PDS5A: variants seen among roughly 807,000 people sequenced by gnomAD.
The protein encoded by PDS5A is sister chromatid cohesion protein PDS5 homolog A.
In PDS5A, 42 loss-of-function variants were observed where a neutral mutation model predicts 167.1. The observed-to-expected ratio is 0.25, with a 90% CI of 0.20 to 0.33. The LOEUF (loss-of-function observed/expected upper bound fraction) is 0.33. Among genes scored for constraint, PDS5A ranks in the 10% least tolerant of loss-of-function variants. PDS5A has a pLI of 1.00. For missense variants in PDS5A, 1,033 were observed against 1,605.9 expected, an observed-to-expected ratio of 0.64 and a Z score of 6.10; for synonymous variants, 553 against 554.6, an observed-to-expected ratio of 1.00 and a Z score of 0.04.
intron 2 of PDS5A, chr4:39,973,559 T>G: frequency 8.1e-7 from 1 of 1,234,606 alleles, no homozygotes; most frequent in Non-Finnish European, 1.2e-6. Context: ...AAGGCTATGA[T>G]GGAGGGTGGT....
intron 29 of PDS5A, among the ~76,000 whole-genome samples, chr4:39,845,525 T>C (rs1007761096): frequency 9.9e-5 from 15 of 152,212 alleles, no homozygotes; most frequent in African/African-American, 3.6e-4. Flanking sequence ...AAATTATTTC[T>C]TTTATCTTAT....
intron 2 of PDS5A, among the ~76,000 whole-genome samples, chr4:39,937,620 T>C (rs2109759256): frequency 6.6e-6 from 1 of 152,316 alleles, no homozygotes; most frequent in East Asian, 1.9e-4. Flanking sequence ...GGTCTTGTTA[T>C]GTTGCCTAGG....
chr4:39,882,026 A>C (rs1194861652), intron 17 of PDS5A, among the ~76,000 whole-genome samples: 1 of 152,176 alleles, frequency 6.6e-6, no homozygotes, highest in East Asian at 1.9e-4. Context: ...TTCATCTTCC[A>C]CTGTGATTGT....
In PDS5A at chr4:39,910,403, A is replaced by C. The variant is rs147789711; in HGVS notation, c.993-65T>G. 1,774 of 800,598 alleles carry C rather than the reference A, an allele frequency of 2.2e-3. 39 individuals carry two copies. The East Asian group carries it at 0.033, about 15-fold the overall frequency. 49.6% of individuals were successfully genotyped at this position (800,598 alleles called of 1,614,324 possible). On this transcript the variant is annotated intron_variant, in intron 9 of 32. Coordinates refer to ENST00000303538, the MANE Select transcript of PDS5A (RefSeq NM_001100399.2). ...AAATAATCACTCTCAAATCAGGTAT[A>C]TCTAACATGAAAATACTTATACGCA...
chr4:39,862,325 A>G lies in PDS5A; in HGVS notation c.2980T>C (p.Leu994=), dbSNP rs1468488626. 6.9e-7 allele frequency: 1 copy of G among 1,452,226 alleles called. No homozygotes were observed. The highest frequency in any genetic ancestry group is 1.3e-5 in the South Asian group (1 of 79,602). The allele number at this position is 1,452,226 out of a possible 1,614,324, so 90.0% of individuals were successfully genotyped here. A position where few individuals can be genotyped will look rare whatever the true frequency, so the allele number is the denominator to read the frequency against. ...KQNPMATEKL[L]SLLPEYVVPY... ...ACTACATATTCAGGCAACAGTGATA[A>G]TAATTTCTCTGAAGTAAAAACATTA... The change falls in exon 26 of 33, where the codon TTA becomes CTA. Residue 994 remains leucine (L), a synonymous_variant. Coordinates refer to ENST00000303538, the MANE Select transcript of PDS5A (RefSeq NM_001100399.2).
At chr4:39,970,832 C>T (rs140623714) in intron 2 of PDS5A, among the ~76,000 whole-genome samples, 2 of 135,678 alleles carry the variant, frequency 1.5e-5, no homozygotes, top group East Asian at 2.3e-4. Flanking sequence ...AGGTCTCACT[C>T]GGTCACCCAG....
At chr4:39,837,796 T>C in intron 32 of PDS5A, 60 bp downstream of exon 32, 4 of 1,296,074 alleles carry the variant, frequency 3.1e-6, no homozygotes, top group Non-Finnish European at 4.3e-6. Context: ...GCACTAAGAA[T>C]ATACTACGAA....
At chr4:39,842,086 T>C (rs1452680436) in intron 30 of PDS5A, 30 bp from the exon 31 acceptor site, 1 of 1,365,234 alleles carries the variant, frequency 7.3e-7, no homozygotes, top group Non-Finnish European at 1.0e-6. Flanking sequence ...CAAGACTTCA[T>C]ATTTCCATGA....
intron 21 of PDS5A, 153 bp downstream of exon 21, chr4:39,872,833 A>T (rs1407698918): frequency 4.7e-6 from 2 of 424,230 alleles, no homozygotes; most frequent in Non-Finnish European, 8.2e-6. Flanking sequence ...ATAAGGAAGT[A>T]GTTTCGAATT....
chr4:39,868,682 G>T, intron 22 of PDS5A: 1 of 447,614 alleles, frequency 2.2e-6, no homozygotes, highest in Non-Finnish European at 4.5e-6. Context: ...TGCTGCCCAG[G>T]TTGGTCTTGA....
At chr4:39,832,745 C>G (rs1319291653) in intron 32 of PDS5A, among the ~76,000 whole-genome samples, 4 of 152,098 alleles carry the variant, frequency 2.6e-5, no homozygotes, top group African/African-American at 9.7e-5. Flanking sequence ...GTCCCAGCTA[C>G]TTGGGAGGCT....
chr4:39,870,134 A>C (rs1307063614), intron 21 of PDS5A, among the ~76,000 whole-genome samples: 3 of 151,820 alleles, frequency 2.0e-5, no homozygotes, highest in Non-Finnish European at 4.4e-5. Flanking sequence ...AAACAAAAAA[A>C]CTCCTGGATA....
intron 7 of PDS5A, among the ~76,000 whole-genome samples, chr4:39,917,917 C>T (rs1382959842): frequency 1.3e-5 from 2 of 151,686 alleles, no homozygotes; most frequent in Non-Finnish European, 2.9e-5. Context: ...CAGCAGCACA[C>T]GCCTGTAATC....
chr4:39,885,607 A>G (rs1232301413), intron 17 of PDS5A, among the ~76,000 whole-genome samples: 1 of 151,954 alleles, frequency 6.6e-6, no homozygotes, highest in Non-Finnish European at 1.5e-5. Context: ...TAAAGAGAAA[A>G]AGAAAAGAAA....
rs1292478358 is a variant in PDS5A at position 39,977,821 on chromosome 4, C to T, written c.-405G>A. 7 of 149,622 alleles carry T rather than the reference C, an allele frequency of 4.7e-5. No individual in the cohort carries two copies. The highest frequency in any genetic ancestry group is 9.0e-5 in the Non-Finnish European group (6 of 67,016). 9.3% of individuals were successfully genotyped at this position (149,622 alleles called of 1,614,324 possible). On this transcript the variant is annotated 5_prime_UTR_variant, in exon 1 of 33. Transcript: ENST00000303538. The surrounding 1 kb of genome is among the most constrained non-coding windows in gnomAD (Gnocchi z 4.2). The stretch of plus-strand genomic sequence containing the variant: ...ACCGCCGACTCGGACCCGGACGCCC[C>T]TCGCAGAGGCGCGCGCCCGGCCGTC...
chr4:39,948,380 C>T (rs1727995736), intron 2 of PDS5A, among the ~76,000 whole-genome samples: 1 of 131,074 alleles, frequency 7.6e-6, no homozygotes, highest in South Asian at 2.3e-4. Flanking sequence ...TGCAATGGTG[C>T]GACCTCGGCT....
intron 15 of PDS5A, 48 bp downstream of exon 15, chr4:39,898,725 TTGTC>T (rs1312207651): frequency 1.8e-6 from 2 of 1,120,716 alleles, no homozygotes; most frequent in African/African-American, 3.1e-5. Context: ...GGTAAATACT[TTGTC>T]TGCATTTACG....
At chr4:39,940,737 C>CCA (rs1727148218) in intron 2 of PDS5A, among the ~76,000 whole-genome samples, 1 of 152,256 alleles carries the variant, frequency 6.6e-6, no homozygotes, top group Admixed American at 6.5e-5. Flanking sequence ...ACTGCAGCCT[C>CCA]CACCTCCAGG....
At chr4:39,875,289 T>G (rs1720368098) in intron 19 of PDS5A, among the ~76,000 whole-genome samples, 1 of 152,108 alleles carries the variant, frequency 6.6e-6, no homozygotes, top group Non-Finnish European at 1.5e-5. Context: ...GACAAACACA[T>G]CTAGTAGATG....
Sources: gnomAD v4.1 joint callset for allele counts (sites outside exome capture counted in the v4.1 genomes callset) on GRCh38, gnomAD v4.1.1 for gene constraint, Gnocchi (gnomAD v3.1) non-coding constraint, MANE v1.5 for transcripts, NCBI Gene and HGNC (gene_info 2026-07-23, HGNC 2026-07-21) for gene names.